SH3PXD2A: variants seen among roughly 807,000 people sequenced by gnomAD.
The protein encoded by SH3PXD2A is SH3 and PX domain-containing protein 2A.
In SH3PXD2A, 32 loss-of-function variants were observed where a neutral mutation model predicts 115.2. That is an observed-to-expected ratio of 0.28 (90% CI 0.21 to 0.37). The LOEUF (loss-of-function observed/expected upper bound fraction) is 0.37, where lower values mean the gene tolerates loss of function less well. Among genes scored for constraint, SH3PXD2A ranks in the 10% least tolerant of loss-of-function variants. SH3PXD2A has a pLI of 1.00. For synonymous variants in SH3PXD2A, 610 were observed against 629.1 expected (o/e 0.97, Z 0.45); for missense variants, 1,328 against 1,498.7 (o/e 0.89, Z 1.88).
At chr10:103,733,248 C>G (rs535467744) in intron 4 of SH3PXD2A, among the ~76,000 whole-genome samples, 2 of 152,260 alleles carry the variant, frequency 1.3e-5, no homozygotes, top group South Asian at 4.1e-4. Context: ...ACTGGAGCTC[C>G]AGAGCCCCTC....
intron 10 of SH3PXD2A, among the ~76,000 whole-genome samples, chr10:103,621,718 G>A (rs2036606585): frequency 6.6e-6 from 1 of 152,222 alleles, no homozygotes; most frequent in Non-Finnish European, 1.5e-5. Context: ...CTGGGGCTTT[G>A]TTCCACTCCC....
chr10:103,814,651 CAG>C (rs2039305383), intron 1 of SH3PXD2A, among the ~76,000 whole-genome samples: 1 of 152,152 alleles, frequency 6.6e-6, no homozygotes, highest in Non-Finnish European at 1.5e-5. Context: ...TCCATGAGGC[CAG>C]AGACACTTAC....
chr10:103,831,480 T>A (rs1175844160), intron 1 of SH3PXD2A, among the ~76,000 whole-genome samples: 1 of 151,988 alleles, frequency 6.6e-6, no homozygotes, highest in Admixed American at 6.6e-5. Context: ...GACAGAAGCA[T>A]TTTTTTTAAA....
chr10:103,781,348 C>T (rs2038929942), intron 2 of SH3PXD2A, among the ~76,000 whole-genome samples: 1 of 152,204 alleles, frequency 6.6e-6, no homozygotes, highest in African/African-American at 2.4e-5. Flanking sequence ...TGCAGTCCTT[C>T]ATATTCTCTC....
At position 103,735,713 on chromosome 10, in the gene SH3PXD2A, GC is replaced by G. The variant is rs548806419; in HGVS notation, c.306+18del. Reference sequence around the variant, plus strand: ...AAGCCCTCCCCGAGCCCCTCCCCCAGCCCCAGATACACTCTCACCCGGCAGT... The same window carrying G: ...AAGCCCTCCCCGAGCCCCTCCCCCAGCCCAGATACACTCTCACCCGGCAGT... On this transcript the variant is annotated intron_variant, in intron 4 of 14. Coordinates refer to ENST00000369774, the MANE Select transcript of SH3PXD2A (RefSeq NM_001394015.1). 2,981 of 867,364 alleles carry G rather than the reference GC, an allele frequency of 3.4e-3. 33 individuals are homozygous for G. Among genetic ancestry groups the G allele is most frequent in the Middle Eastern group, 8.3e-3 (29 of 3,502 alleles). The allele number at this position is 867,364 out of a possible 1,614,324, so 53.7% of individuals were successfully genotyped here.
At chr10:103,735,863 C>T in intron 3 of SH3PXD2A, 55 bp from the exon 4 acceptor site, 1 of 1,343,452 alleles carries the variant, frequency 7.4e-7, no homozygotes, top group Non-Finnish European at 1.1e-6. Context: ...CTACAGAGAC[C>T]TTCTCATTCC....
At chr10:103,664,749 C>A (rs1390856457) in intron 7 of SH3PXD2A, among the ~76,000 whole-genome samples, 2 of 151,844 alleles carry the variant, frequency 1.3e-5, no homozygotes, top group African/African-American at 4.8e-5. Flanking sequence ...TCACTGCAAC[C>A]TCCGCCCCCC....
In SH3PXD2A at chr10:103,602,421, C is replaced by T. The variant is rs201405675; in HGVS notation, c.2797G>A (p.Val933Ile). 87 of 1,614,014 alleles carry T rather than the reference C, an allele frequency of 5.4e-5. No individual in the cohort carries two copies. The highest frequency in any genetic ancestry group is 6.4e-5 in the Non-Finnish European group (76 of 1,180,032). Residue 933 changes from valine (V) to isoleucine (I), a missense_variant, in exon 15 of 15, where the codon GTC (valine) becomes ATC (isoleucine). Physicochemically the swap from Val to Ile is conservative, Grantham distance 29. Coordinates refer to ENST00000369774, the MANE Select transcript of SH3PXD2A (RefSeq NM_001394015.1). ...SDSLEKIERR[V>I]QALNTVNQSK... ...TGGTTGACGGTGTTCAGTGCTTGGA[C>T]GCGCCTCTCGATCTTCTCCAGGCTG...
At chr10:103,676,237 A>G (rs1036730779) in intron 6 of SH3PXD2A, among the ~76,000 whole-genome samples, 4 of 152,190 alleles carry the variant, frequency 2.6e-5, no homozygotes, top group African/African-American at 7.2e-5. Context: ...TGCAGCAAGA[A>G]AGGACTTGCC....
intron 1 of SH3PXD2A, among the ~76,000 whole-genome samples, chr10:103,821,909 CT>C (rs34124305): frequency 0.18 from 26,883 of 146,700 alleles, 3,513 homozygotes; most frequent in African/African-American, 0.38. Context: ...TCTTCTTTTT[CT>C]TTTTTTTTTT....
intron 1 of SH3PXD2A, among the ~76,000 whole-genome samples, chr10:103,830,035 C>G (rs995354202): frequency 1.8e-4 from 28 of 152,242 alleles, no homozygotes; most frequent in Admixed American, 1.7e-3. Flanking sequence ...GAAGCAATAC[C>G]TCTCAGGGGC....
intron 5 of SH3PXD2A, among the ~76,000 whole-genome samples, chr10:103,712,747 G>C (rs2038060875): frequency 6.6e-6 from 1 of 152,348 alleles, no homozygotes; most frequent in East Asian, 1.9e-4. Flanking sequence ...GCGTCCTGAT[G>C]CAGTTATTCT....
chr10:103,602,425 C>T lies in SH3PXD2A; in HGVS notation c.2793G>A (p.Arg931=), dbSNP rs758463405. The T allele has an allele frequency of 5.4e-5, 87 of 1,614,028 alleles. 1 individual carries two copies. In the East Asian group the frequency reaches 1.9e-3, roughly 36 times the overall value. The part of the protein sequence containing the change: ...GKSDSLEKIE[R]RVQALNTVNQ... ...TGACGGTGTTCAGTGCTTGGACGCG[C>T]CTCTCGATCTTCTCCAGGCTGTCTG... Residue 931 remains arginine (R), a synonymous_variant, in exon 15 of 15, where the codon AGG becomes AGA. Coordinates refer to ENST00000369774, the MANE Select transcript of SH3PXD2A (RefSeq NM_001394015.1).
Position 103,602,773 on chromosome 10 carries a change from A to T in SH3PXD2A, c.2445T>A (p.Ser815=). ...QTASEAPSEG[S]RRSSSDLITL... is the part of the protein sequence containing the mutation. ...TGATGAGGTCGGATGAGCTTCTCCTAGACCCCTCACTGGGAGCCTCGGAGG... is the reference window on the plus strand; with the variant it reads ...TGATGAGGTCGGATGAGCTTCTCCTTGACCCCTCACTGGGAGCCTCGGAGG... Residue 815 remains serine, a synonymous_variant, in exon 15 of 15, where the codon TCT becomes TCA. Coordinates refer to ENST00000369774, the MANE Select transcript of SH3PXD2A (RefSeq NM_001394015.1). 1 of 1,613,628 alleles carries T rather than the reference A, an allele frequency of 6.2e-7. No homozygotes were observed. Among genetic ancestry groups the T allele is most frequent in the Non-Finnish European group, 8.5e-7 (1 of 1,179,650 alleles).
At chr10:103,804,360 C>T (rs951626973) in intron 1 of SH3PXD2A, among the ~76,000 whole-genome samples, 3 of 121,230 alleles carry the variant, frequency 2.5e-5, no homozygotes, top group South Asian at 2.7e-4. Flanking sequence ...CTGTCTCTGT[C>T]GACCAGGTTG....
chr10:103,623,585 G>A (rs1219520202), intron 9 of SH3PXD2A, among the ~76,000 whole-genome samples: 2 of 152,120 alleles, frequency 1.3e-5, no homozygotes, highest in Non-Finnish European at 2.9e-5. Context: ...GAAAGCATTT[G>A]CTTTCCTGGA....
intron 1 of SH3PXD2A, among the ~76,000 whole-genome samples, chr10:103,820,970 A>G (rs2039373464): frequency 1.3e-5 from 2 of 152,080 alleles, no homozygotes; most frequent in Admixed American, 1.3e-4. Context: ...CTGGTGTAAG[A>G]TCTTGGACAA....
chr10:103,764,406 C>A (rs12776858), intron 3 of SH3PXD2A, among the ~76,000 whole-genome samples: 12,058 of 151,988 alleles, frequency 0.079, 672 homozygotes, highest in Non-Finnish European at 0.12. Flanking sequence ...AAGAGGGAAC[C>A]CTGCTGAAGC....
intron 6 of SH3PXD2A, among the ~76,000 whole-genome samples, chr10:103,674,696 T>C (rs2037507696): frequency 6.6e-6 from 1 of 152,112 alleles, no homozygotes; most frequent in Non-Finnish European, 1.5e-5. Context: ...GGTGTATGCC[T>C]GTAATCCCAG....
Sources: gnomAD v4.1 joint callset for allele counts (sites outside exome capture counted in the v4.1 genomes callset) on GRCh38, gnomAD v4.1.1 for gene constraint, MANE v1.5 for transcripts, NCBI Gene and HGNC (gene_info 2026-07-23, HGNC 2026-07-21) for gene names.